Variants in EEPD1 observed in about 807,000 individuals in gnomAD.
EEPD1 encodes the protein endonuclease/exonuclease/phosphatase family domain containing 1, also known as endonuclease/exonuclease/phosphatase family domain-containing protein 1.
In EEPD1, 17 loss-of-function variants were observed where a neutral mutation model predicts 46.3. The observed-to-expected ratio is 0.37, with a 90% CI of 0.25 to 0.55. The LOEUF is 0.55. EEPD1 is among the 20% of genes least tolerant of loss of function. EEPD1 has a pLI of 0.83. For synonymous variants in EEPD1, 313 were observed against 315.6 expected (o/e 0.99, Z 0.09); for missense variants, 673 against 745.6 (o/e 0.90, Z 1.13).
rs887392920 is a variant in EEPD1, at chr7:36,255,674, A to G, written c.930+16638A>G. Among the ~76,000 whole-genome samples the G allele has an allele frequency of 4.3e-4, 65 of 152,262 alleles. 1 individual carries two copies. The highest frequency in any genetic ancestry group is 1.9e-4 in the East Asian group (1 of 5,190). On this transcript the variant is annotated intron_variant, in intron 3 of 7. Coordinates refer to ENST00000242108, the MANE Select transcript of EEPD1 (RefSeq NM_030636.3). ...GTATTTCTGTGGGATCAGTGGTGAT[A>G]TCCCCTTTATCATTTTCTATTGTTT...
chr7:36,201,074 A>C (rs979904538), intron 2 of EEPD1, among the ~76,000 whole-genome samples: 1 of 152,128 alleles, frequency 6.6e-6, no homozygotes, highest in Non-Finnish European at 1.5e-5. Flanking sequence ...AAAAATGCAT[A>C]ATCAGAATTT....
At chr7:36,162,320 G>T (rs55830554) in intron 2 of EEPD1, among the ~76,000 whole-genome samples, 14,359 of 152,202 alleles carry the variant, frequency 0.094, 747 homozygotes, top group African/African-American at 0.14. Flanking sequence ...AAAGGGAAGT[G>T]TGGAATCCTT....
intron 2 of EEPD1, among the ~76,000 whole-genome samples, chr7:36,204,024 T>C (rs1046275738): frequency 5.3e-5 from 8 of 151,626 alleles, no homozygotes; most frequent in Non-Finnish European, 5.9e-5. Context: ...TTTCTTTCTT[T>C]CTTTTTTCTT....
intron 3 of EEPD1, among the ~76,000 whole-genome samples, chr7:36,241,307 C>G (rs943435661): frequency 1.3e-5 from 2 of 151,860 alleles, no homozygotes; most frequent in Non-Finnish European, 2.9e-5. Flanking sequence ...AACCCCATCT[C>G]TACTAAAAAT....
intron 2 of EEPD1, among the ~76,000 whole-genome samples, chr7:36,161,307 T>C (rs1479010030): frequency 6.6e-6 from 1 of 152,152 alleles, no homozygotes; most frequent in African/African-American, 2.4e-5. Flanking sequence ...AGCAGGTATT[T>C]CCAGGATGAT....
intron 2 of EEPD1, among the ~76,000 whole-genome samples, chr7:36,206,386 T>C (rs1166172467): frequency 1.3e-5 from 2 of 151,650 alleles, no homozygotes; most frequent in East Asian, 1.9e-4. Context: ...TTAACACTTA[T>C]GCACATAATC....
chr7:36,154,148 G>A lies in EEPD1; in HGVS notation c.-177G>A. 15 of 726,284 alleles carry A rather than the reference G, an allele frequency of 2.1e-5. No individual in the cohort carries two copies. The highest frequency in any genetic ancestry group is 3.9e-4 in the Middle Eastern group (1 of 2,550). The allele number at this position is 726,284 out of a possible 1,614,324, so 45.0% of individuals were successfully genotyped here. ...TATTTTCTAGGCGGCCAAGTGAAAG[G>A]TAATTTTGGACACGCCAGGCATGGA... On this transcript the variant is annotated 5_prime_UTR_variant, in exon 2 of 8. Transcript: ENST00000242108. The surrounding 1 kb of genome is among the most constrained non-coding windows in gnomAD (Gnocchi z 4.2).
chr7:36,178,768 G>T (rs533951794), intron 2 of EEPD1, among the ~76,000 whole-genome samples: 2 of 152,180 alleles, frequency 1.3e-5, no homozygotes, highest in African/African-American at 4.8e-5. Context: ...TTCCAACTGT[G>T]CCTGGCACAA....
At position 36,299,159 on chromosome 7, in the gene EEPD1, G is replaced by A. The variant is rs748408838; in HGVS notation, c.1663G>A (p.Gly555Arg). The A allele has an allele frequency of 3.6e-5, 58 of 1,613,962 alleles. 1 individual carries two copies. The Middle Eastern group carries it at 4.9e-4, about 14-fold the overall frequency. The stretch of plus-strand genomic sequence containing the variant: ...GAAGGATGCCCCTCGGAACGGCAGC[G>A]GGGTGGCCTTGGAGCGAAGTGAAGC... ...SKKDAPRNGS[G>R]VALERSEANI... The change falls in exon 8 of 8, where the codon GGG (glycine) becomes AGG (arginine). Residue 555 changes from glycine (G) to arginine (R), a missense_variant. Coordinates refer to ENST00000242108, the MANE Select transcript of EEPD1 (RefSeq NM_030636.3).
chr7:36,206,511 A>G (rs892943361), intron 2 of EEPD1, among the ~76,000 whole-genome samples: 8 of 152,138 alleles, frequency 5.3e-5, no homozygotes, highest in Admixed American at 1.3e-4. Flanking sequence ...TATGGCTGCC[A>G]TATTGGACAC....
chr7:36,161,928 T>C (rs1431807732), intron 2 of EEPD1, among the ~76,000 whole-genome samples: 1 of 151,632 alleles, frequency 6.6e-6, no homozygotes, highest in African/African-American at 2.4e-5. Flanking sequence ...TACTCTACCT[T>C]ACAAAGGATT....
chr7:36,261,763 G>A (rs895740573), intron 3 of EEPD1, among the ~76,000 whole-genome samples: 1 of 152,168 alleles, frequency 6.6e-6, no homozygotes, highest in African/African-American at 2.4e-5. Flanking sequence ...ATTTATGCTC[G>A]ATATTCTCAG....
intron 2 of EEPD1, among the ~76,000 whole-genome samples, chr7:36,162,642 TA>T (rs927106772): frequency 1.3e-4 from 20 of 150,960 alleles, no homozygotes; most frequent in Non-Finnish European, 2.4e-4. Flanking sequence ...GACCCTGTCT[TA>T]AAAAAAAAGA....
At chr7:36,172,617 G>GTTTTT (rs70977113) in intron 2 of EEPD1, among the ~76,000 whole-genome samples, 2 of 100,124 alleles carry the variant, frequency 2.0e-5, no homozygotes, top group Non-Finnish European at 3.9e-5. Flanking sequence ...AATATTATGA[G>GTTTTT]TTTTTTTTTT....
intron 2 of EEPD1, among the ~76,000 whole-genome samples, chr7:36,161,421 G>A (rs983567084): frequency 1.3e-5 from 2 of 152,002 alleles, no homozygotes; most frequent in African/African-American, 4.8e-5. Flanking sequence ...TCAGCATTCG[G>A]TCAGGGATGA....
At chr7:36,194,963 T>C (rs1048585306) in intron 2 of EEPD1, among the ~76,000 whole-genome samples, 1 of 152,212 alleles carries the variant, frequency 6.6e-6, no homozygotes, top group Admixed American at 6.5e-5. Context: ...TCTTTGCAAC[T>C]GCGAAATCCT....
At chr7:36,165,586 AATTTATTT>A (rs57475263) in intron 2 of EEPD1, among the ~76,000 whole-genome samples, 2 of 134,630 alleles carry the variant, frequency 1.5e-5, no homozygotes, top group African/African-American at 2.8e-5. Flanking sequence ...CGCCCCAGCT[AATTTATTT>A]ATTTATTTAT....
chr7:36,289,027 TC>T (rs1401527176), intron 6 of EEPD1, among the ~76,000 whole-genome samples: 1 of 152,220 alleles, frequency 6.6e-6, no homozygotes, highest in Non-Finnish European at 1.5e-5. Flanking sequence ...AACTGGCCCC[TC>T]AAATTGGGAG....
At chr7:36,234,502 T>C (rs1786393381) in intron 2 of EEPD1, among the ~76,000 whole-genome samples, 1 of 151,852 alleles carries the variant, frequency 6.6e-6, no homozygotes, top group Admixed American at 6.6e-5. Flanking sequence ...TGAAATCCCA[T>C]CTCTACTAAA....
Sources: allele counts gnomAD v4.1 joint callset (sites outside exome capture counted in the v4.1 genomes callset), GRCh38; gene constraint gnomAD v4.1.1; non-coding constraint Gnocchi (gnomAD v3.1); transcripts MANE v1.5; gene names NCBI Gene and HGNC (gene_info 2026-07-23, HGNC 2026-07-21).